The following REEP4 variants were observed in gnomAD, a reference collection of about 807,000 sequenced individuals.
REEP4 encodes the protein receptor expression-enhancing protein 4.
REEP4 carries 17 observed loss-of-function variants against 33.5 expected under a neutral mutation model. The ratio of observed to expected loss-of-function variants is 0.51; its 90% CI spans 0.35 to 0.76. The LOEUF (loss-of-function observed/expected upper bound fraction) is 0.76. Among genes scored for constraint, REEP4 ranks in the 30% least tolerant of loss-of-function variants. The pLI, the probability that REEP4 is intolerant of heterozygous loss-of-function variation, is 0.01. For missense variants in REEP4, 340 were observed against 357.9 expected, an observed-to-expected ratio of 0.95 and a Z score of 0.40; for synonymous variants, 157 against 142.9, an observed-to-expected ratio of 1.10 and a Z score of -0.70.
In REEP4 at chr8:22,138,562, G is replaced by A; in HGVS notation, c.709-10C>T. ...GGGAGCGCGAGGTGCCCTGGGGAAA[G>A]GGGAGGCACAGCATGAGGGTGTGGG... On this transcript the variant is annotated splice_polypyrimidine_tract_variant and intron_variant, in intron 7 of 7. Coordinates refer to ENST00000306306, the MANE Select transcript of REEP4 (RefSeq NM_025232.4). The A allele has an allele frequency of 5.6e-6, 9 of 1,613,926 alleles. No homozygotes were observed. The highest frequency in any genetic ancestry group is 6.8e-6 in the Non-Finnish European group (8 of 1,180,030).
chr8:22,140,011 G>C lies in REEP4; in HGVS notation c.255C>G (p.Ser85Arg), dbSNP rs773008679. 6.2e-7 allele frequency: 1 copy of C among 1,600,358 alleles called. No individual in the cohort carries two copies. Among genetic ancestry groups the C allele is most frequent in the Non-Finnish European group, 8.5e-7 (1 of 1,173,068 alleles). The change falls in exon 4 of 8, where the codon AGC becomes AGG. Residue 85 changes from serine to arginine, a missense_variant. Physicochemically the swap from Ser to Arg is moderately radical, Grantham distance 110. Transcript: ENST00000306306. Reference protein sequence around the residue: ...WLLSPYTKGASLLYRKFVHPS... With the variant: ...WLLSPYTKGARLLYRKFVHPS... Reference sequence around the variant, plus strand: ...GGTGGACAAACTTGCGGTAAAGCAGGCTGGCGCCCTTGGTGTAGGGTGAGA... The same window carrying C: ...GGTGGACAAACTTGCGGTAAAGCAGCCTGGCGCCCTTGGTGTAGGGTGAGA...
rs1226089629 is a variant in REEP4, at chr8:22,140,479, C to A, written c.105+146G>T. On this transcript the variant is annotated intron_variant, in intron 2 of 7. Transcript: ENST00000306306. ...CCCGATGGCCTGCCCTCTATCTACA[C>A]CCTCTTGAACAGGGCCCATTCTCTC... The A allele has an allele frequency of 4.8e-6, 4 of 839,608 alleles. No homozygotes were observed. The East Asian group carries it at 9.7e-5, about 20-fold the overall frequency. The allele number at this position is 839,608 out of a possible 1,614,324, so 52.0% of individuals were successfully genotyped here.
intron 5 of REEP4, 23 bp downstream of exon 5, chr8:22,139,392 TG>T: frequency 1.3e-6 from 2 of 1,574,246 alleles, no homozygotes; most frequent in Non-Finnish European, 8.7e-7. Context: ...TGGGGGCTGC[TG>T]GAGGGCTGGG....
chr8:22,139,325 A>G (rs1197456823), intron 5 of REEP4, 91 bp downstream of exon 5: 5 of 1,161,026 alleles, frequency 4.3e-6, no homozygotes, highest in East Asian at 2.4e-5. Flanking sequence ...CCCGGCTGCC[A>G]TCTCTGGGCT....
intron 4 of REEP4, 58 bp downstream of exon 4, chr8:22,139,905 A>C (rs1357795784): frequency 6.5e-7 from 1 of 1,547,284 alleles, no homozygotes; most frequent in East Asian, 2.4e-5. Context: ...TCCCAGGTCC[A>C]GGGCTCTTTC....
chr8:22,139,550 A>G, intron 4 of REEP4, 21 bp from the exon 5 acceptor site: 1 of 1,573,756 alleles, frequency 6.4e-7, no homozygotes, highest in South Asian at 1.1e-5. Context: ...AATGGGGAGG[A>G]GAGCTCAGGT....
At chr8:22,141,256 A>C (rs999796348) in intron 1 of REEP4, among the ~76,000 whole-genome samples, 195 bp downstream of exon 1, 6 of 152,346 alleles carry the variant, frequency 3.9e-5, no homozygotes, top group African/African-American at 1.4e-4. Flanking sequence ...GTTCTCAGCC[A>C]ACGAGGCTTG....
intron 1 of REEP4, 113 bp from the exon 2 acceptor site, chr8:22,140,810 C>G: frequency 1.1e-6 from 1 of 891,152 alleles, no homozygotes; most frequent in Non-Finnish European, 1.8e-6. Context: ...CTGTTTTTCT[C>G]GCTTGGCTTG....
In REEP4 at chr8:22,138,266, T is replaced by C. The variant is rs1484660551; in HGVS notation, c.*221A>G. Reference sequence around the variant, plus strand: ...GAAGGGAGAGGGCAGAGCAAGGCAATAAATAGAACCCTGGGCCCAGCCTGC... The same window carrying C: ...GAAGGGAGAGGGCAGAGCAAGGCAACAAATAGAACCCTGGGCCCAGCCTGC... On this transcript the variant is annotated 3_prime_UTR_variant, in exon 8 of 8. Coordinates refer to ENST00000306306, the MANE Select transcript of REEP4 (RefSeq NM_025232.4). The C allele has an allele frequency of 4.6e-5, 32 of 691,698 alleles. No homozygotes were observed. The highest frequency in any genetic ancestry group is 7.8e-5 in the Non-Finnish European group (30 of 382,272). 42.8% of individuals were successfully genotyped at this position (691,698 alleles called of 1,614,324 possible). A position where few individuals can be genotyped will look rare whatever the true frequency, so the allele number is the denominator to read the frequency against.
At chr8:22,138,830 C>A in intron 6 of REEP4, 37 bp from the exon 7 acceptor site, 1 of 1,566,864 alleles carries the variant, frequency 6.4e-7, no homozygotes, top group Non-Finnish European at 8.6e-7. Flanking sequence ...AAGCCTGCGA[C>A]CAGGCCAGCC....
In REEP4 at chr8:22,138,571, C is replaced by T. The variant is rs745945856; in HGVS notation, c.709-19G>A. ...AGGTGCCCTGGGGAAAGGGGAGGCACAGCATGAGGGTGTGGGGAGCACCAG... is the reference window on the plus strand; with the variant it reads ...AGGTGCCCTGGGGAAAGGGGAGGCATAGCATGAGGGTGTGGGGAGCACCAG... On this transcript the variant is annotated intron_variant, in intron 7 of 7. Coordinates refer to ENST00000306306, the MANE Select transcript of REEP4 (RefSeq NM_025232.4). The T allele has an allele frequency of 6.2e-7, 1 of 1,613,956 alleles. No homozygotes were observed. The highest frequency in any genetic ancestry group is 1.1e-5 in the South Asian group (1 of 91,092).
At position 22,138,530 on chromosome 8, in the gene REEP4, A is replaced by T; in HGVS notation, c.731T>A (p.Val244Asp). 1 of 1,613,832 alleles carries T rather than the reference A, an allele frequency of 6.2e-7. No individual in the cohort carries two copies. The highest frequency in any genetic ancestry group is 8.5e-7 in the Non-Finnish European group (1 of 1,180,006). The change falls in exon 8 of 8, where the codon GTT becomes GAT. Residue 244 changes from valine (V) to aspartate (D), a missense_variant. Physicochemically the swap from Val to Asp is radical, Grantham distance 152. Coordinates refer to ENST00000306306, the MANE Select transcript of REEP4 (RefSeq NM_025232.4). ...VREGTSRSLK[V>D]RTRKKTVPSD... ...GGGCACAGTCTTTTTCCTCGTCCGAACCTTCAGGGAGCGCGAGGTGCCCTG... is the reference window on the plus strand; with the variant it reads ...GGGCACAGTCTTTTTCCTCGTCCGATCCTTCAGGGAGCGCGAGGTGCCCTG...
Position 22,139,432 on chromosome 8 carries a change from AC to A in REEP4, c.400del (p.Val134CysfsTer86). On this transcript the variant is annotated frameshift_variant, in exon 5 of 8. Coordinates refer to ENST00000306306, the MANE Select transcript of REEP4 (RefSeq NM_025232.4). LOFTEE classifies it high-confidence loss of function. ...CCAGAGCACCTTGGTGGCAGCCTGC[AC>A]AGCAGCGGAGGCGGCAATGTTGAGG... ...RGLNIAASAA[V>X]QAATKSQGAL... is the part of the protein sequence containing the mutation. 14 of 1,606,932 alleles carry A rather than the reference AC, an allele frequency of 8.7e-6. No homozygotes were observed. Among genetic ancestry groups the A allele is most frequent in the Non-Finnish European group, 1.2e-5 (14 of 1,179,330 alleles).
At chr8:22,140,338 G>T in intron 2 of REEP4, 90 bp from the exon 3 acceptor site, 1 of 1,326,654 alleles carries the variant, frequency 7.5e-7, no homozygotes, top group Admixed American at 1.8e-5. Context: ...CAGGGAGCCT[G>T]TCCGGCTGCA....
chr8:22,139,359 C>G, intron 5 of REEP4, 57 bp downstream of exon 5: 2 of 1,439,070 alleles, frequency 1.4e-6, no homozygotes, highest in Non-Finnish European at 1.9e-6. Context: ...GCTGAATGAG[C>G]CCAAAGGGCC....
At chr8:22,139,819 G>T in intron 4 of REEP4, 144 bp downstream of exon 4, 1 of 992,412 alleles carries the variant, frequency 1.0e-6, no homozygotes, top group Non-Finnish European at 1.5e-6. Flanking sequence ...GATGAGGTAG[G>T]CTGGGCCCTG....
At chr8:22,139,716 G>A (rs1347912742) in intron 4 of REEP4, 187 bp from the exon 5 acceptor site, 12 of 673,678 alleles carry the variant, frequency 1.8e-5, no homozygotes, top group Admixed American at 1.7e-4. Context: ...ACCTCCATGA[G>A]TGGCCATGCT....
intron 4 of REEP4, 64 bp downstream of exon 4, chr8:22,139,899 A>G (rs1254511437): frequency 5.8e-6 from 9 of 1,541,952 alleles, no homozygotes; most frequent in East Asian, 4.9e-5. Context: ...CCTAAATCCC[A>G]GGTCCAGGGC....
At chr8:22,140,825 A>C in intron 1 of REEP4, 128 bp from the exon 2 acceptor site, 1 of 771,024 alleles carries the variant, frequency 1.3e-6, no homozygotes, top group Admixed American at 2.4e-5. Flanking sequence ...GGCTTGTACA[A>C]CCCGTGCCTG....
Sources: gnomAD v4.1 joint callset for allele counts (sites outside exome capture counted in the v4.1 genomes callset) on GRCh38, gnomAD v4.1.1 for gene constraint, MANE v1.5 for transcripts, NCBI Gene and HGNC (gene_info 2026-07-23, HGNC 2026-07-21) for gene names.